PDE4B: variants seen among roughly 807,000 people sequenced by gnomAD.
PDE4B encodes 3',5'-cyclic-AMP phosphodiesterase 4B.
In PDE4B, 20 loss-of-function variants were observed where a neutral mutation model predicts 82.2. The observed-to-expected ratio is 0.24, with a 90% CI of 0.17 to 0.35. The LOEUF is 0.35. PDE4B is among the 10% of genes least tolerant of loss of function. The pLI, the probability that PDE4B is intolerant of heterozygous loss-of-function variation, is 1.00. For missense variants in PDE4B, 655 were observed against 907.2 expected, an observed-to-expected ratio of 0.72 and a Z score of 3.57; for synonymous variants, 320 against 318.9, an observed-to-expected ratio of 1.00 and a Z score of -0.04.
At chr1:66,121,362 G>A (rs1645706056) in intron 3 of PDE4B, among the ~76,000 whole-genome samples, 1 of 152,094 alleles carries the variant, frequency 6.6e-6, no homozygotes, top group South Asian at 2.1e-4. Flanking sequence ...GGCAGGTATG[G>A]GGGCAATTTT....
chr1:66,171,310 A>T (rs1646832445), intron 3 of PDE4B, among the ~76,000 whole-genome samples: 1 of 152,194 alleles, frequency 6.6e-6, no homozygotes, highest in South Asian at 2.1e-4. Context: ...CATTTTAATA[A>T]CTTAAGTTGA....
intron 3 of PDE4B, among the ~76,000 whole-genome samples, chr1:66,182,408 A>G (rs566762042): frequency 5.9e-5 from 9 of 152,342 alleles, no homozygotes; most frequent in Admixed American, 5.2e-4. Context: ...TTAAAGAGAC[A>G]TTAAAGAAAA....
intron 8 of PDE4B, among the ~76,000 whole-genome samples, chr1:66,350,938 A>G (rs1287311822): frequency 1.3e-5 from 2 of 152,234 alleles, no homozygotes; most frequent in Non-Finnish European, 2.9e-5. Flanking sequence ...CCTATTCTCT[A>G]CTTTTAAAAT....
chr1:65,795,066 T>C (rs1237469959), intron 1 of PDE4B, among the ~76,000 whole-genome samples: 3 of 152,236 alleles, frequency 2.0e-5, no homozygotes, highest in Admixed American at 6.5e-5. Flanking sequence ...TTTCTGATCT[T>C]GGAGTCCTTT....
chr1:66,311,774 A>G (rs546796352), intron 7 of PDE4B, among the ~76,000 whole-genome samples: 6 of 152,366 alleles, frequency 3.9e-5, no homozygotes, highest in Admixed American at 2.0e-4. Flanking sequence ...TTAAAGCAGC[A>G]AAGTGTATTC....
chr1:66,354,947 C>A, intron 8 of PDE4B: 1 of 1,491,352 alleles, frequency 6.7e-7, no homozygotes, highest in Non-Finnish European at 9.0e-7. Flanking sequence ...AAACGTACCT[C>A]TGTGTGTTTT....
intron 3 of PDE4B, among the ~76,000 whole-genome samples, chr1:66,096,534 A>ATATATG: frequency 7.0e-6 from 1 of 143,636 alleles, no homozygotes; most frequent in East Asian, 2.0e-4. Flanking sequence ...ATATATATAT[A>ATATATG]TATATATACT....
At chr1:66,245,581 C>T (rs1653251389) in intron 3 of PDE4B, among the ~76,000 whole-genome samples, 1 of 152,194 alleles carries the variant, frequency 6.6e-6, no homozygotes, top group African/African-American at 2.4e-5. Context: ...ATGTATGTGG[C>T]TAACAACGTA....
At chr1:65,885,326 A>G (rs1646760879) in intron 1 of PDE4B, among the ~76,000 whole-genome samples, 1 of 152,222 alleles carries the variant, frequency 6.6e-6, no homozygotes, top group Admixed American at 6.5e-5. Context: ...ATCTAGAACT[A>G]GAAATACCAT....
chr1:66,221,188 T>C (rs1173135648), intron 3 of PDE4B, among the ~76,000 whole-genome samples: 2 of 152,022 alleles, frequency 1.3e-5, no homozygotes, highest in East Asian at 1.9e-4. Flanking sequence ...ACCAAAACCA[T>C]TGGAAAGTGG....
intron 3 of PDE4B, among the ~76,000 whole-genome samples, chr1:66,204,041 C>G (rs1482278169): frequency 2.0e-5 from 3 of 152,174 alleles, no homozygotes; most frequent in Non-Finnish European, 4.4e-5. Context: ...GATGTCCTTT[C>G]TGTTTGTTAG....
chr1:66,065,505 T>C (rs1419118209), intron 3 of PDE4B, among the ~76,000 whole-genome samples: 1 of 151,852 alleles, frequency 6.6e-6, no homozygotes, highest in Non-Finnish European at 1.5e-5. Context: ...GGAGTTTCAG[T>C]TGTCATTTTT....
At chr1:66,244,309 T>G (rs1258038842) in intron 3 of PDE4B, among the ~76,000 whole-genome samples, 1 of 152,218 alleles carries the variant, frequency 6.6e-6, no homozygotes, top group African/African-American at 2.4e-5. Context: ...TGTCTACGTT[T>G]TATATAATAT....
intron 7 of PDE4B, 57 bp from the exon 8 acceptor site, chr1:66,332,451 C>T (rs767124094): frequency 6.2e-7 from 1 of 1,614,072 alleles, no homozygotes; most frequent in Non-Finnish European, 8.5e-7. Context: ...GGTGACTCTG[C>T]TATGGACAGC....
intron 7 of PDE4B, among the ~76,000 whole-genome samples, chr1:66,266,353 A>T (rs1020496998): frequency 5.3e-5 from 8 of 152,232 alleles, no homozygotes; most frequent in Non-Finnish European, 1.5e-5. Context: ...CTCTTCCCCA[A>T]AGAGGAGCAG....
chr1:66,278,217 C>G (rs1379668750), intron 7 of PDE4B, among the ~76,000 whole-genome samples: 1 of 152,302 alleles, frequency 6.6e-6, no homozygotes, highest in Admixed American at 6.5e-5. Flanking sequence ...AGAAAGATTG[C>G]TGTCCTATTC....
At position 65,826,685 on chromosome 1, in the gene PDE4B, G is replaced by A. The variant is rs189963735; in HGVS notation, c.-71+33437G>A. On this transcript the variant is annotated intron_variant, in intron 1 of 16. Coordinates refer to ENST00000341517, the MANE Select transcript of PDE4B (RefSeq NM_002600.4). ...GAGAGAACTGGTGCAAATCCACTGC[G>A]TCTTGGGGAAAAAAACAGGAAAAAT... 2.3e-3 allele frequency among the ~76,000 whole-genome samples: 351 copies of A among 152,106 alleles called. 2 individuals are homozygous for A. The highest frequency in any genetic ancestry group is 3.6e-3 in the Non-Finnish European group (247 of 67,982).
intron 3 of PDE4B, among the ~76,000 whole-genome samples, chr1:65,930,428 C>A (rs1451084562): frequency 6.6e-6 from 1 of 152,198 alleles, no homozygotes; most frequent in Non-Finnish European, 1.5e-5. Flanking sequence ...GCAGCTTGTA[C>A]CCTGCACCTG....
intron 3 of PDE4B, among the ~76,000 whole-genome samples, chr1:66,141,577 G>T (rs575584691): frequency 5.3e-5 from 8 of 151,766 alleles, no homozygotes; most frequent in African/African-American, 1.2e-4. Flanking sequence ...AGAGAGTGAG[G>T]AGTAGTCTCA....
Sources: gnomAD v4.1 joint callset for allele counts (sites outside exome capture counted in the v4.1 genomes callset) on GRCh38, gnomAD v4.1.1 for gene constraint, MANE v1.5 for transcripts, NCBI Gene and HGNC (gene_info 2026-07-23, HGNC 2026-07-21) for gene names.